MYLK: variants seen among roughly 807,000 people sequenced by gnomAD.
MYLK encodes the protein myosin light chain kinase, smooth muscle.
A neutral mutation model predicts 203.4 loss-of-function variants in MYLK; 106 were observed. The observed-to-expected ratio is 0.52, with a 90% CI of 0.45 to 0.61. The LOEUF (loss-of-function observed/expected upper bound fraction) is 0.61, where lower values mean the gene tolerates loss of function less well. Ranked by LOEUF, MYLK falls within the 20% of genes least tolerant of loss-of-function variation. The pLI is 0.00. For synonymous variants in MYLK, 867 were observed against 959.5 expected (o/e 0.90, Z 1.78); for missense variants, 2,072 against 2,442.3 (o/e 0.85, Z 3.20).
In MYLK at chr3:123,725,636, A is replaced by G. The variant is rs192881573; in HGVS notation, c.1651+308T>C. Among the ~76,000 whole-genome samples, 92 of 152,342 alleles carry G rather than the reference A, an allele frequency of 6.0e-4. 1 individual carries two copies. Among genetic ancestry groups the G allele is most frequent in the African/African-American group, 2.1e-3 (89 of 41,578 alleles). On this transcript the variant is annotated intron_variant, in intron 12 of 33. Transcript: ENST00000360304. ...AAGAAATCCAACTGCTCATGCCCCT[A>G]TGTGTCAGGCATCTCATTAACCACT...
chr3:123,749,472 A>C (rs1247145270), intron 5 of MYLK, among the ~76,000 whole-genome samples: 1 of 152,154 alleles, frequency 6.6e-6, no homozygotes, highest in East Asian at 1.9e-4. Flanking sequence ...CCAGGGGCTC[A>C]GACCAAGGCT....
chr3:123,731,192 C>T (rs2062463076), intron 11 of MYLK, among the ~76,000 whole-genome samples: 1 of 152,162 alleles, frequency 6.6e-6, no homozygotes, highest in Admixed American at 6.5e-5. Context: ...CCAGCACTCC[C>T]ACCTGCAAAT....
chr3:123,820,802 C>T (rs867526819), intron 3 of MYLK, among the ~76,000 whole-genome samples: 5 of 152,140 alleles, frequency 3.3e-5, no homozygotes, highest in African/African-American at 4.8e-5. Context: ...CGGCTCACTG[C>T]AACCTCTGCC....
chr3:123,859,295 G>C, intron 2 of MYLK, among the ~76,000 whole-genome samples: 1 of 152,228 alleles, frequency 6.6e-6, no homozygotes, highest in Non-Finnish European at 1.5e-5. Context: ...AACCCAGTTG[G>C]GTCCCATGGT....
chr3:123,817,401 T>A (rs576086027), intron 3 of MYLK, among the ~76,000 whole-genome samples: 1 of 152,296 alleles, frequency 6.6e-6, no homozygotes, highest in South Asian at 2.1e-4. Context: ...CTCCTGTTTC[T>A]TACCATCTCC....
intron 27 of MYLK, among the ~76,000 whole-genome samples, chr3:123,645,606 C>T (rs560284332): frequency 4.6e-5 from 7 of 152,234 alleles, no homozygotes; most frequent in Non-Finnish European, 8.8e-5. Context: ...TTTAACCCAG[C>T]TCTCCTTCAC....
At chr3:123,754,068 C>T (rs1019945620) in intron 4 of MYLK, among the ~76,000 whole-genome samples, 1 of 152,210 alleles carries the variant, frequency 6.6e-6, no homozygotes, top group Admixed American at 6.5e-5. Flanking sequence ...CTTCCCTAAG[C>T]ATACTAAGCG....
At chr3:123,875,401 A>G (rs2033087664) in intron 2 of MYLK, among the ~76,000 whole-genome samples, 1 of 152,208 alleles carries the variant, frequency 6.6e-6, no homozygotes, top group South Asian at 2.1e-4. Context: ...TTTATATGAC[A>G]TTCCGAGATA....
intron 4 of MYLK, among the ~76,000 whole-genome samples, chr3:123,770,835 C>T (rs1464671772): frequency 6.6e-6 from 1 of 152,310 alleles, no homozygotes; most frequent in East Asian, 1.9e-4. Flanking sequence ...GTCCATAATT[C>T]TCCAGAGGCA....
chr3:123,652,922 A>G (rs2059263922), intron 24 of MYLK, among the ~76,000 whole-genome samples: 2 of 152,168 alleles, frequency 1.3e-5, no homozygotes, highest in Non-Finnish European at 2.9e-5. Context: ...CGGGGAACCC[A>G]TGCTTTGTCC....
chr3:123,640,040 A>G lies in MYLK; in HGVS notation c.4837+247T>C, dbSNP rs552065921. Among the ~76,000 whole-genome samples, 17 of 152,124 alleles carry G rather than the reference A, an allele frequency of 1.1e-4. No individual in the cohort carries two copies. The East Asian group carries it at 3.1e-3, about 28-fold the overall frequency. ...AAGCACTCTTCCCATCCCTTTACCT[A>G]TATTAACACATTTGATCCTCCTAAC... On this transcript the variant is annotated intron_variant, in intron 28 of 33. Transcript: ENST00000360304. This position sits in a 1 kb window ranked among gnomAD's most constrained non-coding sequence, Gnocchi z 4.3.
chr3:123,635,734 C>T (rs1434865569), intron 29 of MYLK, among the ~76,000 whole-genome samples: 1 of 152,124 alleles, frequency 6.6e-6, no homozygotes, highest in East Asian at 1.9e-4. Flanking sequence ...CCCTATGACC[C>T]AATTATTCTA....
chr3:123,765,127 T>C (rs1460345022), intron 4 of MYLK, among the ~76,000 whole-genome samples: 2 of 152,136 alleles, frequency 1.3e-5, no homozygotes, highest in South Asian at 4.1e-4. Context: ...CTGGTGGAAA[T>C]GTAAAATGGC....
At chr3:123,724,737 C>T (rs1428798990) in intron 12 of MYLK, among the ~76,000 whole-genome samples, 1 of 44,732 alleles carries the variant, frequency 2.2e-5, no homozygotes, top group Non-Finnish European at 5.1e-5. Flanking sequence ...CGCTTGCTCG[C>T]TCTTTCATTT....
rs1362596773 is a variant in MYLK at position 123,857,830 on chromosome 3, A to T, written c.-127+18729T>A. ...AAGAAAGAAAGAAAAAAGAAAAAAAAAATTGTGTGTCATGGGCTATGGCCC... is the reference window on the plus strand; with the variant it reads ...AAGAAAGAAAGAAAAAAGAAAAAAATAATTGTGTGTCATGGGCTATGGCCC... On this transcript the variant is annotated intron_variant, in intron 2 of 33. Coordinates refer to ENST00000360304, the MANE Select transcript of MYLK (RefSeq NM_053025.4). Among the ~76,000 whole-genome samples, 6 of 152,060 alleles carry T rather than the reference A, an allele frequency of 3.9e-5. No individual in the cohort carries two copies. The East Asian group carries it at 5.8e-4, about 15-fold the overall frequency.
intron 12 of MYLK, among the ~76,000 whole-genome samples, chr3:123,723,033 G>A (rs2062150584): frequency 6.6e-6 from 1 of 152,020 alleles, no homozygotes; most frequent in Admixed American, 6.5e-5. Context: ...GTTCCTGGGA[G>A]TTTATCATTC....
At chr3:123,777,105 G>T (rs1470249845) in intron 4 of MYLK, among the ~76,000 whole-genome samples, 1 of 152,230 alleles carries the variant, frequency 6.6e-6, no homozygotes, top group Non-Finnish European at 1.5e-5. Flanking sequence ...CTCAAAGTAA[G>T]CCATTTAGAG....
At chr3:123,647,065 T>C in intron 27 of MYLK, 159 bp downstream of exon 27, 1 of 704,664 alleles carries the variant, frequency 1.4e-6, no homozygotes, top group Non-Finnish European at 2.5e-6. Flanking sequence ...CGGTTCTGTT[T>C]GGTCAGGCCT....
intron 29 of MYLK, among the ~76,000 whole-genome samples, chr3:123,632,881 T>C (rs1211723512): frequency 6.6e-6 from 1 of 150,732 alleles, no homozygotes; most frequent in East Asian, 2.0e-4. Flanking sequence ...CTCAGCTCAC[T>C]GAACCTCTGG....
Sources: gnomAD v4.1 joint callset for allele counts (sites outside exome capture counted in the v4.1 genomes callset) on GRCh38, gnomAD v4.1.1 for gene constraint, Gnocchi (gnomAD v3.1) non-coding constraint, MANE v1.5 for transcripts, NCBI Gene and HGNC (gene_info 2026-07-23, HGNC 2026-07-21) for gene names.